NEIL2: variants seen among roughly 807,000 people sequenced by gnomAD.
NEIL2 encodes the protein endonuclease 8-like 2.
NEIL2 carries 23 observed loss-of-function variants against 22.2 expected under a neutral mutation model. The observed-to-expected ratio is 1.04, with a 90% CI of 0.75 to 1.47. NEIL2 has a LOEUF of 1.47. NEIL2 is among the 40% of genes most tolerant of loss of function. The probability of loss-of-function intolerance (pLI) is 0.00; values close to 1 mark genes in which losing one functional copy is unlikely to be tolerated. For missense variants in NEIL2, 583 were observed against 404.7 expected (o/e 1.44, Z -3.78); for synonymous variants, 229 against 164.8 (o/e 1.39, Z -2.99).
chr8:11,783,203 G>C lies in NEIL2; in HGVS notation c.492G>C (p.Arg164Ser), dbSNP rs1354214807. ...CATATGACCTGTTCTTTCTTCCCAGGTTGGTCCTGCACTTTGGTGGTGGTG... is the reference window on the plus strand; with the variant it reads ...CATATGACCTGTTCTTTCTTCCCAGCTTGGTCCTGCACTTTGGTGGTGGTG... ...KRGDWRDPSP[R>S]LVLHFGGGGF... The change falls in exon 4 of 5, where the codon AGG (arginine) becomes AGC (serine). Residue 164 changes from arginine to serine, a missense_variant and splice_region_variant. Transcript: ENST00000284503. 1 of 1,614,166 alleles carries C rather than the reference G, an allele frequency of 6.2e-7. No homozygotes were observed. Among genetic ancestry groups the C allele is most frequent in the Admixed American group, 1.7e-5 (1 of 60,030 alleles).
chr8:11,781,187 G>A (rs1804391510), intron 3 of NEIL2, among the ~76,000 whole-genome samples: 1 of 152,072 alleles, frequency 6.6e-6, no homozygotes, highest in Admixed American at 6.6e-5. Context: ...GTGGCCTGAC[G>A]TAGGTACCAT....
chr8:11,782,106 A>G (rs1206541847), intron 3 of NEIL2, among the ~76,000 whole-genome samples: 1 of 151,862 alleles, frequency 6.6e-6, no homozygotes, highest in African/African-American at 2.4e-5. Flanking sequence ...TATCCTTTCT[A>G]TATGGAAAGG....
rs1162477826 is a variant in NEIL2 at position 11,782,950 on chromosome 8, T to A, written c.492-253T>A. 13 of 560,810 alleles carry A rather than the reference T, an allele frequency of 2.3e-5. No homozygotes were observed. In the East Asian group the frequency reaches 4.0e-4, roughly 17 times the overall value. 34.7% of individuals were successfully genotyped at this position (560,810 alleles called of 1,614,324 possible). A position where few individuals can be genotyped will look rare whatever the true frequency, so the allele number is the denominator to read the frequency against. On this transcript the variant is annotated intron_variant, in intron 3 of 4. Coordinates refer to ENST00000284503, the MANE Select transcript of NEIL2 (RefSeq NM_145043.4). Reference sequence around the variant, plus strand: ...GTGTGTATGATCCAGCCACAGAGTGTCCTCTGACTATGTTGTGGTAATGAT... The same window carrying A: ...GTGTGTATGATCCAGCCACAGAGTGACCTCTGACTATGTTGTGGTAATGAT...
At chr8:11,778,185 G>A (rs1361892995) in intron 2 of NEIL2, among the ~76,000 whole-genome samples, 1 of 152,078 alleles carries the variant, frequency 6.6e-6, no homozygotes, top group African/African-American at 2.4e-5. Context: ...TTCATGATGG[G>A]CATTTGACAG....
rs1804970130 is a variant in NEIL2 at position 11,786,519 on chromosome 8, A to C, written c.*246A>C. The C allele has an allele frequency of 1.8e-6, 1 of 565,602 alleles. No homozygotes were observed. The allele number at this position is 565,602 out of a possible 1,614,324, so 35.0% of individuals were successfully genotyped here. ...TTGCACCATCGTGAAAGATGGGAAA[A>C]ATCGTGATGATGGGTAAGGGGAAAA... On this transcript the variant is annotated 3_prime_UTR_variant, in exon 5 of 5. Coordinates refer to ENST00000284503, the MANE Select transcript of NEIL2 (RefSeq NM_145043.4).
chr8:11,778,439 G>T (rs1430415562), intron 2 of NEIL2, among the ~76,000 whole-genome samples: 1 of 151,970 alleles, frequency 6.6e-6, no homozygotes, highest in African/African-American at 2.4e-5. Context: ...AGATTAATTT[G>T]TGTACTAATT....
In NEIL2 at chr8:11,786,583, A is replaced by T; in HGVS notation, c.*310A>T. Reference sequence around the variant, plus strand: ...AATGGGGCAAGGAAAAAGAAAGCCTATGGGAAATGGCTGTGCTCCCAACAT... The same window carrying T: ...AATGGGGCAAGGAAAAAGAAAGCCTTTGGGAAATGGCTGTGCTCCCAACAT... On this transcript the variant is annotated 3_prime_UTR_variant, in exon 5 of 5. Coordinates refer to ENST00000284503, the MANE Select transcript of NEIL2 (RefSeq NM_145043.4). 2.5e-6 allele frequency: 1 copy of T among 407,674 alleles called. No individual in the cohort carries two copies. Among genetic ancestry groups the T allele is most frequent in the African/African-American group, 2.1e-5 (1 of 48,452 alleles). 25.3% of individuals were successfully genotyped at this position (407,674 alleles called of 1,614,324 possible). A position where few individuals can be genotyped will look rare whatever the true frequency, so the allele number is the denominator to read the frequency against.
intron 3 of NEIL2, among the ~76,000 whole-genome samples, chr8:11,782,194 A>G (rs1211388128): frequency 6.6e-6 from 1 of 152,168 alleles, no homozygotes; most frequent in East Asian, 1.9e-4. Context: ...AGGCCGAGGC[A>G]GGTGGATCAC....
At chr8:11,771,041 T>A (rs1254023878) in intron 1 of NEIL2, among the ~76,000 whole-genome samples, 1 of 151,994 alleles carries the variant, frequency 6.6e-6, no homozygotes, top group Non-Finnish European at 1.5e-5. Context: ...TGGCTGTTTT[T>A]TGAGAGCGGG....
intron 2 of NEIL2, among the ~76,000 whole-genome samples, chr8:11,772,345 C>T (rs746893612): frequency 6.6e-6 from 1 of 152,208 alleles, no homozygotes; most frequent in Non-Finnish European, 1.5e-5. Flanking sequence ...GTCTTCTGAT[C>T]GATGAAACTG....
chr8:11,772,252 G>A (rs778472765), intron 2 of NEIL2, among the ~76,000 whole-genome samples: 52 of 152,146 alleles, frequency 3.4e-4, no homozygotes, highest in Non-Finnish European at 6.8e-4. Flanking sequence ...GTTCAAACCA[G>A]CTCATCCTTC....
rs1804199081 is a variant in NEIL2 at position 11,779,454 on chromosome 8, C to CA, written c.139-140dup. The CA allele has an allele frequency of 6.7e-6, 5 of 743,688 alleles. No individual in the cohort carries two copies. The East Asian group carries it at 7.4e-5, about 11-fold the overall frequency. The allele number at this position is 743,688 out of a possible 1,614,324, so 46.1% of individuals were successfully genotyped here. The stretch of plus-strand genomic sequence containing the variant: ...TGCTCACACCACTGGAGCAAAAGAG[C>CA]AAAAGGCAGAGTCCAAAGACTTCAT... On this transcript the variant is annotated intron_variant, in intron 2 of 4. Transcript: ENST00000284503.
At chr8:11,770,902 T>G (rs569563839) in intron 1 of NEIL2, among the ~76,000 whole-genome samples, 2 of 152,302 alleles carry the variant, frequency 1.3e-5, no homozygotes, top group East Asian at 1.9e-4. Context: ...GTCTCACTTA[T>G]GATTCTGAGC....
intron 2 of NEIL2, among the ~76,000 whole-genome samples, chr8:11,773,329 C>A (rs1803634374): frequency 6.6e-6 from 1 of 152,108 alleles, no homozygotes; most frequent in Admixed American, 6.5e-5. Flanking sequence ...TTGCAGGGAA[C>A]CTAAGGTTGC....
chr8:11,777,076 C>T (rs1395648421), intron 2 of NEIL2, among the ~76,000 whole-genome samples: 2 of 152,162 alleles, frequency 1.3e-5, no homozygotes, highest in Non-Finnish European at 2.9e-5. Flanking sequence ...TCTTGTGAAG[C>T]CCAGCCCAGG....
Position 11,786,333 on chromosome 8 carries a change from C to T in NEIL2, c.*60C>T, listed in dbSNP as rs980652734. ...TTGGGGAACCTGACGTCTAAGTGTC[C>T]AGAAAGGAGGATGTGGGCAGGGACG... On this transcript the variant is annotated 3_prime_UTR_variant, in exon 5 of 5. Transcript: ENST00000284503. The T allele has an allele frequency of 1.3e-5, 20 of 1,532,590 alleles. 1 individual carries two copies. Among genetic ancestry groups the T allele is most frequent in the Non-Finnish European group, 1.7e-5 (19 of 1,123,036 alleles). 94.9% of individuals were successfully genotyped at this position (1,532,590 alleles called of 1,614,324 possible). A position where few individuals can be genotyped will look rare whatever the true frequency, so the allele number is the denominator to read the frequency against.
At chr8:11,773,323 A>G (rs976190416) in intron 2 of NEIL2, among the ~76,000 whole-genome samples, 1 of 152,152 alleles carries the variant, frequency 6.6e-6, no homozygotes, top group African/African-American at 2.4e-5. Context: ...ACCATGTTGC[A>G]GGGAACCTAA....
In NEIL2 at chr8:11,779,948, G is replaced by A. The variant is rs780941719; in HGVS notation, c.489G>A (p.Pro163=). 45 of 1,612,964 alleles carry A rather than the reference G, an allele frequency of 2.8e-5. No homozygotes were observed. Among genetic ancestry groups the A allele is most frequent in the Non-Finnish European group, 3.4e-5 (40 of 1,179,124 alleles). ...NKRGDWRDPS[P]RLVLHFGGGG... is the part of the protein sequence containing the mutation. ...GGGGGGACTGGAGGGACCCTTCCCCGAGGTAATGGTGTGGCCATCTGATTT... is the reference window on the plus strand; with the variant it reads ...GGGGGGACTGGAGGGACCCTTCCCCAAGGTAATGGTGTGGCCATCTGATTT... The change falls in exon 3 of 5, where the codon CCG becomes CCA. Residue 163 remains proline, a splice_region_variant and synonymous_variant. Coordinates refer to ENST00000284503, the MANE Select transcript of NEIL2 (RefSeq NM_145043.4).
intron 1 of NEIL2, among the ~76,000 whole-genome samples, chr8:11,770,631 T>C (rs542073439): frequency 2.6e-5 from 4 of 152,336 alleles, no homozygotes; most frequent in South Asian, 2.1e-4. Context: ...TCATAACTTA[T>C]AGAGAGGCTG....
Sources: gnomAD v4.1 joint callset for allele counts (sites outside exome capture counted in the v4.1 genomes callset) on GRCh38, gnomAD v4.1.1 for gene constraint, MANE v1.5 for transcripts, NCBI Gene and HGNC (gene_info 2026-07-23, HGNC 2026-07-21) for gene names.